Variants in DSCAML1 observed in about 807,000 individuals in gnomAD.
DSCAML1 encodes the protein DS cell adhesion molecule like 1, also known as cell adhesion molecule DSCAML1.
A neutral mutation model predicts 200.5 loss-of-function variants in DSCAML1; 38 were observed. That is an observed-to-expected ratio of 0.19 (90% CI 0.15 to 0.25). DSCAML1 has a LOEUF of 0.25. Ranked by LOEUF, DSCAML1 falls within the 10% of genes least tolerant of loss-of-function variation. The pLI, the probability that DSCAML1 is intolerant of heterozygous loss-of-function variation, is 1.00. For missense variants in DSCAML1, 2,223 were observed against 2,858.8 expected, an observed-to-expected ratio of 0.78 and a Z score of 5.07; for synonymous variants, 1,215 against 1,165.0, an observed-to-expected ratio of 1.04 and a Z score of -0.87.
In DSCAML1 at chr11:117,508,822, C is replaced by T. The variant is rs534982622; in HGVS notation, c.1784-3090G>A. ...CTGGAGGGCCAAGCCCGGGCACAGA[C>T]GGCCAGAACACCATGTTTCCATTGA... On this transcript the variant is annotated intron_variant, in intron 8 of 32. Transcript: ENST00000651296. Among the ~76,000 whole-genome samples, 11 of 152,146 alleles carry T rather than the reference C, an allele frequency of 7.2e-5. No individual in the cohort carries two copies. In the South Asian group the frequency reaches 1.7e-3, roughly 23 times the overall value.
At chr11:117,790,637 A>AT (rs1410021438) in intron 1 of DSCAML1, among the ~76,000 whole-genome samples, 3 of 152,240 alleles carry the variant, frequency 2.0e-5, no homozygotes, top group Non-Finnish European at 4.4e-5. Flanking sequence ...ATGTTGCCTC[A>AT]TTCTGTATAC....
At chr11:117,618,745 A>C (rs1348074404) in intron 3 of DSCAML1, among the ~76,000 whole-genome samples, 1 of 151,558 alleles carries the variant, frequency 6.6e-6, no homozygotes, top group Non-Finnish European at 1.5e-5. Flanking sequence ...GCAGGGAGGG[A>C]GGGGGATGCA....
chr11:117,796,906 C>T lies in DSCAML1; in HGVS notation c.46+128G>A, dbSNP rs536450614. The T allele has an allele frequency of 2.9e-4, 174 of 590,102 alleles. No individual in the cohort carries two copies. The African/African-American group carries it at 3.2e-3, about 11-fold the overall frequency. 36.6% of individuals were successfully genotyped at this position (590,102 alleles called of 1,614,324 possible). A position where few individuals can be genotyped will look rare whatever the true frequency, so the allele number is the denominator to read the frequency against. On this transcript the variant is annotated intron_variant, in intron 1 of 32. Coordinates refer to ENST00000651296, the MANE Select transcript of DSCAML1 (RefSeq NM_020693.4). ...GTGCCTGCCCCTCCCCGCTGCGCCC[C>T]ACCCGGGGCCTTGCACCCCGGTCGG...
intron 3 of DSCAML1, among the ~76,000 whole-genome samples, chr11:117,631,836 C>T (rs1300944144): frequency 6.6e-6 from 1 of 152,232 alleles, no homozygotes; most frequent in East Asian, 1.9e-4. Flanking sequence ...GGCTGGTGAC[C>T]TGGTGCCTGT....
At chr11:117,736,773 A>T (rs111226536) in intron 3 of DSCAML1, among the ~76,000 whole-genome samples, 19 of 152,332 alleles carry the variant, frequency 1.2e-4, no homozygotes, top group African/African-American at 4.6e-4. Flanking sequence ...TTTTATTGAC[A>T]AGCAAATGGT....
chr11:117,543,590 AC>A lies in DSCAML1; in HGVS notation c.512-11069del, dbSNP rs5795093. ...AGGCATAGGTCCCAATGGGTACTAT[AC>A]AGAGCTCTGTATTTGGAGGTTTGAG... is the stretch of plus-strand genomic sequence containing the variant. On this transcript the variant is annotated intron_variant, in intron 3 of 32. Transcript: ENST00000651296. 8.0e-3 allele frequency among the ~76,000 whole-genome samples: 1,220 copies of A among 152,274 alleles called. 56 individuals are homozygous for A. Among genetic ancestry groups the A allele is most frequent in the Admixed American group, 0.069 (1,048 of 15,284 alleles).
chr11:117,803,154 C>T (rs1289334318), intron 1 of DSCAML1, among the ~76,000 whole-genome samples: 1 of 152,026 alleles, frequency 6.6e-6, no homozygotes, highest in Admixed American at 6.5e-5. Context: ...GAATGGCTTG[C>T]AGGAACACTC....
chr11:117,794,936 G>C (rs866704224), intron 1 of DSCAML1, among the ~76,000 whole-genome samples: 51 of 152,258 alleles, frequency 3.3e-4, no homozygotes, highest in African/African-American at 1.2e-3. Context: ...GGCCACCGAG[G>C]AGCCGCCACA....
At position 117,505,673 on chromosome 11, in the gene DSCAML1, T is replaced by C. The variant is rs750899570; in HGVS notation, c.1843A>G (p.Ile615Val). Residue 615 changes from isoleucine (I) to valine (V), a missense_variant, in exon 9 of 33, where the codon ATT becomes GTT. By Grantham distance (29) the Ile-to-Val change is conservative (BLOSUM62 3). Around this residue, in one of 7 missense-constraint regions of DSCAML1, gnomAD observed 212 missense variants for 368.0 expected, o/e 0.58. Transcript: ENST00000651296. This position sits in a 1 kb window ranked among gnomAD's most constrained non-coding sequence, Gnocchi z 6.7. Reference sequence around the variant, plus strand: ...TCCCCCGAGGACACCACACAGGGAATGTAGAGCAGCTGGCCGATGGAGGCG... The same window carrying C: ...TCCCCCGAGGACACCACACAGGGAACGTAGAGCAGCTGGCCGATGGAGGCG... Reference protein sequence around the residue: ...PPASIGQLLYIPCVVSSGDMP... With the variant: ...PPASIGQLLYVPCVVSSGDMP... 6.2e-7 allele frequency: 1 copy of C among 1,613,744 alleles called. No individual in the cohort carries two copies. The highest frequency in any genetic ancestry group is 8.5e-7 in the Non-Finnish European group (1 of 1,179,920).
At chr11:117,712,267 G>A (rs1433765398) in intron 3 of DSCAML1, among the ~76,000 whole-genome samples, 1 of 152,138 alleles carries the variant, frequency 6.6e-6, no homozygotes, top group Non-Finnish European at 1.5e-5. Context: ...CACTCTTCCT[G>A]AAACCCAAAC....
At chr11:117,736,007 C>T (rs1438870512) in intron 3 of DSCAML1, among the ~76,000 whole-genome samples, 1 of 152,246 alleles carries the variant, frequency 6.6e-6, no homozygotes, top group Non-Finnish European at 1.5e-5. Context: ...CCCCAGAGAG[C>T]TCCCAGAAAT....
chr11:117,657,329 A>G (rs766027679), intron 3 of DSCAML1, among the ~76,000 whole-genome samples: 4 of 152,140 alleles, frequency 2.6e-5, no homozygotes, highest in Non-Finnish European at 5.9e-5. Flanking sequence ...CACAAGACAG[A>G]CTCTTGGAAC....
chr11:117,584,220 AG>A (rs908723471), intron 3 of DSCAML1, among the ~76,000 whole-genome samples: 3 of 152,356 alleles, frequency 2.0e-5, no homozygotes, highest in Admixed American at 1.3e-4. Flanking sequence ...TCTAGCCCCA[AG>A]GGGCAGGGAC....
At chr11:117,563,208 T>C (rs536235183) in intron 3 of DSCAML1, among the ~76,000 whole-genome samples, 3 of 152,324 alleles carry the variant, frequency 2.0e-5, no homozygotes, top group Middle Eastern at 3.4e-3. Flanking sequence ...AATGTGTTTA[T>C]TTCTTGCATA....
At chr11:117,484,887 G>GTGTT (rs1491435961) in intron 11 of DSCAML1, among the ~76,000 whole-genome samples, 21 of 1,938 alleles carry the variant, frequency 0.011, no homozygotes, top group Non-Finnish European at 0.017. Context: ...CAGAGGAACA[G>GTGTT]TGTGTGTGTG....
intron 3 of DSCAML1, among the ~76,000 whole-genome samples, chr11:117,574,147 T>C (rs1325048404): frequency 6.6e-6 from 1 of 152,208 alleles, no homozygotes; most frequent in African/African-American, 2.4e-5. Context: ...TTCTAGCTCT[T>C]GGTCTCACTT....
chr11:117,742,390 C>G (rs1239865652), intron 3 of DSCAML1, among the ~76,000 whole-genome samples: 6 of 152,170 alleles, frequency 3.9e-5, no homozygotes, highest in African/African-American at 1.4e-4. Flanking sequence ...GCCAGAGGCC[C>G]ATTTTGGGAC....
chr11:117,444,567 G>T (rs537211891), intron 20 of DSCAML1, among the ~76,000 whole-genome samples: 27 of 152,284 alleles, frequency 1.8e-4, no homozygotes, highest in Non-Finnish European at 3.5e-4. Context: ...GAGGGGGCGG[G>T]AGAAGGAACT....
intron 8 of DSCAML1, among the ~76,000 whole-genome samples, chr11:117,510,721 C>A (rs566821201): frequency 2.6e-5 from 4 of 152,242 alleles, no homozygotes; most frequent in Non-Finnish European, 1.5e-5. Context: ...TAAAATAGTG[C>A]CTGGAATCTA....
Sources: gnomAD v4.1 joint callset for allele counts (sites outside exome capture counted in the v4.1 genomes callset) on GRCh38, gnomAD v4.1.1 for gene constraint, gnomAD v4.1.1 regional missense constraint, Gnocchi (gnomAD v3.1) non-coding constraint, MANE v1.5 for transcripts, NCBI Gene and HGNC (gene_info 2026-07-23, HGNC 2026-07-21) for gene names.